Variants in SASH1 observed in about 807,000 individuals in gnomAD.
The protein encoded by SASH1 is SAM and SH3 domain containing 1, also known as SAM and SH3 domain-containing protein 1.
Under a neutral mutation model 125.2 loss-of-function variants are expected in SASH1, and 44 were observed. The ratio of observed to expected loss-of-function variants is 0.35; its 90% confidence interval spans 0.28 to 0.45. SASH1 has a LOEUF of 0.45. Ranked by LOEUF, SASH1 falls within the 20% of genes least tolerant of loss-of-function variation. The pLI, the probability that SASH1 is intolerant of heterozygous loss-of-function variation, is 1.00. For missense variants in SASH1, 1,426 were observed against 1,614.5 expected (o/e 0.88, Z 2.00); for synonymous variants, 639 against 649.1 (o/e 0.98, Z 0.24).
intron 2 of SASH1, among the ~76,000 whole-genome samples, chr6:148,414,162 C>G (rs879528095): frequency 1.3e-5 from 2 of 151,958 alleles, no homozygotes; most frequent in African/African-American, 2.4e-5. Context: ...AAAAGAAGCA[C>G]TAAAATAATT....
At chr6:148,484,337 G>C (rs1444797173) in intron 7 of SASH1, among the ~76,000 whole-genome samples, 8 of 151,554 alleles carry the variant, frequency 5.3e-5, no homozygotes, top group African/African-American at 1.7e-4. Flanking sequence ...TTTTGCTTAA[G>C]ACACACACAC....
intron 1 of SASH1, among the ~76,000 whole-genome samples, chr6:148,322,648 G>A (rs1262988869): frequency 6.6e-6 from 1 of 152,008 alleles, no homozygotes; most frequent in Non-Finnish European, 1.5e-5. Flanking sequence ...CTCTTGCTTT[G>A]GACACTGCGG....
intron 8 of SASH1, chr6:148,512,410 T>C (rs904813229): frequency 3.2e-6 from 3 of 929,146 alleles, no homozygotes; most frequent in Non-Finnish European, 3.9e-6. Context: ...GCTTTTGAGC[T>C]ACATCAAGAG....
intron 4 of SASH1, among the ~76,000 whole-genome samples, chr6:148,453,041 G>A (rs1420674934): frequency 6.6e-6 from 1 of 152,224 alleles, no homozygotes; most frequent in East Asian, 1.9e-4. Flanking sequence ...CAGGAGCTTG[G>A]GGTAGGAGCA....
intron 1 of SASH1, among the ~76,000 whole-genome samples, chr6:148,377,076 A>AACCCG: frequency 6.8e-6 from 1 of 146,636 alleles, no homozygotes; most frequent in Non-Finnish European, 1.5e-5. Context: ...AGGCTGAGGC[A>AACCCG]GGAGAATGGC....
At chr6:148,517,234 A>G (rs796641253) in intron 9 of SASH1, among the ~76,000 whole-genome samples, 24 of 152,336 alleles carry the variant, frequency 1.6e-4, no homozygotes, top group African/African-American at 5.5e-4. Flanking sequence ...ACAGAGGCTC[A>G]GAGCCAGGAA....
chr6:148,248,729 A>G, the SASH1 span, among the ~76,000 whole-genome samples: 1 of 152,210 alleles, frequency 6.6e-6, no homozygotes, highest in Non-Finnish European at 1.5e-5. Context: ...AAGGAGCTTC[A>G]TTTGGTGCTA....
intron 10 of SASH1, among the ~76,000 whole-genome samples, chr6:148,520,616 T>C (rs1147857): frequency 0.45 from 69,055 of 151,882 alleles, 16,680 homozygotes; most frequent in East Asian, 0.69. Context: ...CCCATTAAAA[T>C]AAGCATTGAA....
In SASH1 at chr6:148,337,310, G is replaced by A. The variant is rs892201899; in HGVS notation, n.75-52824G>A. 1.3e-5 allele frequency among the ~76,000 whole-genome samples: 2 copies of A among 149,286 alleles called. 1 individual carries two copies. Among genetic ancestry groups the A allele is most frequent in the South Asian group, 4.2e-4 (2 of 4,738 alleles). The stretch of plus-strand genomic sequence containing the variant: ...GCAATCTCGGCTCACTGCAAGCTCC[G>A]CCTCCCAGGTTCATGCCATTCTCCT... On this transcript the variant is annotated intron_variant and non_coding_transcript_variant, in intron 1 of 3. Transcript: ENST00000367469.
At chr6:148,374,118 G>C (rs1343339008) in intron 1 of SASH1, among the ~76,000 whole-genome samples, 1 of 152,208 alleles carries the variant, frequency 6.6e-6, no homozygotes, top group Non-Finnish European at 1.5e-5. Flanking sequence ...TTCCCATAAT[G>C]TGTCAAACAA....
At chr6:148,324,595 C>T (rs1046406363) in intron 1 of SASH1, among the ~76,000 whole-genome samples, 2 of 152,166 alleles carry the variant, frequency 1.3e-5, no homozygotes, top group Non-Finnish European at 2.9e-5. Context: ...TGCTGTCTTC[C>T]TCCAAGTTCT....
intron 1 of SASH1, among the ~76,000 whole-genome samples, chr6:148,310,941 C>CTTTGT (rs1315972871): frequency 6.6e-6 from 1 of 151,768 alleles, no homozygotes; most frequent in Non-Finnish European, 1.5e-5. Context: ...GTTTGTTTTG[C>CTTTGT]TTTGTTTTGT....
chr6:148,389,864 CTG>C (rs1166860693), intron 1 of SASH1, among the ~76,000 whole-genome samples: 1 of 152,210 alleles, frequency 6.6e-6, no homozygotes, highest in African/African-American at 2.4e-5. Context: ...GAGCTGGCCT[CTG>C]TGCTTCTTAG....
At chr6:148,324,118 C>CAAAAAAAAAAAAAAAAAAAAA (rs56950339) in intron 1 of SASH1, among the ~76,000 whole-genome samples, 1 of 59,442 alleles carries the variant, frequency 1.7e-5, no homozygotes, top group African/African-American at 7.1e-5. Context: ...GAATCTGTCT[C>CAAAAAAAAAAAAAAAAAAAAA]AAAAAAAAAA....
chr6:148,513,124 C>T (rs1008482230), intron 8 of SASH1: 3 of 985,246 alleles, frequency 3.0e-6, no homozygotes, highest in Non-Finnish European at 3.6e-6. Context: ...TCTTGCTTAT[C>T]TGTTTTATTG....
intron 7 of SASH1, among the ~76,000 whole-genome samples, chr6:148,487,011 A>ATT (rs1166414461): frequency 9.8e-6 from 1 of 101,704 alleles, no homozygotes; most frequent in African/African-American, 3.6e-5. Context: ...GCTTATATAT[A>ATT]TGTTTTTATA....
intron 2 of SASH1, among the ~76,000 whole-genome samples, chr6:148,402,817 G>C (rs1421840985): frequency 2.7e-5 from 4 of 149,746 alleles, no homozygotes; most frequent in African/African-American, 9.9e-5. Context: ...CACCATGTTA[G>C]CCAGGATGGT....
intron 1 of SASH1, among the ~76,000 whole-genome samples, chr6:148,348,470 T>C (rs1781589644): frequency 6.6e-6 from 1 of 152,236 alleles, no homozygotes; most frequent in Non-Finnish European, 1.5e-5. Flanking sequence ...ACCTGGCTTC[T>C]TACTGAGGTC....
At chr6:148,531,682 T>C in intron 13 of SASH1, 21 bp downstream of exon 13, 2 of 1,482,796 alleles carry the variant, frequency 1.3e-6, no homozygotes, top group Non-Finnish European at 1.8e-6. Context: ...TTTGTCATTG[T>C]AGATTATTTT....
Sources: allele counts gnomAD v4.1 joint callset (sites outside exome capture counted in the v4.1 genomes callset), GRCh38; gene constraint gnomAD v4.1.1; transcripts MANE v1.5; gene names NCBI Gene and HGNC (gene_info 2026-07-23, HGNC 2026-07-21).